Variants in HSD11B1 observed in about 807,000 individuals in gnomAD.
HSD11B1 encodes the protein hydroxysteroid 11-beta dehydrogenase 1, also known as 11-beta-hydroxysteroid dehydrogenase 1.
A neutral mutation model predicts 22.1 loss-of-function variants in HSD11B1; 15 were observed. The observed-to-expected ratio is 0.68, with a 90% CI of 0.45 to 1.04. HSD11B1 has a LOEUF of 1.04. Ranked by LOEUF, HSD11B1 falls within the 50% of genes least tolerant of loss-of-function variation. HSD11B1 has a pLI of 0.00. For synonymous variants in HSD11B1, 122 were observed against 125.2 expected (o/e 0.97, Z 0.17); for missense variants, 281 against 357.6 (o/e 0.79, Z 1.73).
At chr1:209,703,222 C>T (rs1419638599), upstream of HSD11B1, among the ~76,000 whole-genome samples, 1 of 152,102 alleles carries the variant, frequency 6.6e-6, no homozygotes, top group African/African-American at 2.4e-5. Flanking sequence ...ATCTTTCTAT[C>T]ATTTCAACAT....
At chr1:209,697,884 C>CTTTTTATTTTTTTTTTTTTTTTTTT (rs2076800559) in intron 1 of HSD11B1, among the ~76,000 whole-genome samples, 1 of 41,586 alleles carries the variant, frequency 2.4e-5, no homozygotes, top group South Asian at 1.4e-3. Flanking sequence ...TTGTTTTTTC[C>CTTTTTATTTTTTTTTTTTTTTTTTT]TTTTTTTTTT....
chr1:209,690,060 A>G (rs949239664), intron 1 of HSD11B1, among the ~76,000 whole-genome samples: 2 of 152,218 alleles, frequency 1.3e-5, no homozygotes, highest in African/African-American at 4.8e-5. Flanking sequence ...TCATGCCTAT[A>G]ATCCCAGCAG....
rs374786529 is a variant in HSD11B1 at position 209,705,958 on chromosome 1, C to G, written c.219+17C>G. The G allele has an allele frequency of 3.7e-6, 6 of 1,613,480 alleles. No homozygotes were observed. In the South Asian group the frequency reaches 6.6e-5, roughly 18 times the overall value. ...CTACAGAAGGTGAGGGTTCTATGCT[C>G]GCAGATATGTGTACCGTCACATGCT... On this transcript the variant is annotated intron_variant, in intron 2 of 5. Transcript: ENST00000367027.
chr1:209,705,500 A>G (rs2076852216), intron 1 of HSD11B1, among the ~76,000 whole-genome samples: 1 of 152,194 alleles, frequency 6.6e-6, no homozygotes, highest in Non-Finnish European at 1.5e-5. Flanking sequence ...AAATTGAAAG[A>G]GTCCAGAAAT....
At chr1:209,718,345 C>A (rs1237975993) in intron 4 of HSD11B1, among the ~76,000 whole-genome samples, 1 of 151,984 alleles carries the variant, frequency 6.6e-6, no homozygotes, top group African/African-American at 2.4e-5. Context: ...CACATACTAC[C>A]CATAACTATA....
chr1:209,722,587 TG>T (rs1488164578), intron 4 of HSD11B1, among the ~76,000 whole-genome samples: 2 of 152,120 alleles, frequency 1.3e-5, no homozygotes, highest in Non-Finnish European at 2.9e-5. Flanking sequence ...AGAAGATAGG[TG>T]GATTTATCTT....
chr1:209,734,262 G>T (rs1245365971), intron 5 of HSD11B1, 42 bp from the exon 6 acceptor site: 7 of 1,505,960 alleles, frequency 4.6e-6, no homozygotes, highest in Non-Finnish European at 6.4e-6. Context: ...CATGTAGACT[G>T]TCCTAGTCAG....
At chr1:209,709,673 G>A (rs995621749) in intron 4 of HSD11B1, among the ~76,000 whole-genome samples, 7 of 152,090 alleles carry the variant, frequency 4.6e-5, no homozygotes, top group African/African-American at 1.7e-4. Flanking sequence ...GTCCAAGATG[G>A]CTCATTGGCA....
At chr1:209,714,892 T>A (rs2076920856) in intron 4 of HSD11B1, among the ~76,000 whole-genome samples, 1 of 152,140 alleles carries the variant, frequency 6.6e-6, no homozygotes, top group East Asian at 1.9e-4. Flanking sequence ...GGGGCAGCAG[T>A]GGTGGCCTAG....
At chr1:209,710,594 C>G (rs1354510723) in intron 4 of HSD11B1, among the ~76,000 whole-genome samples, 1 of 152,162 alleles carries the variant, frequency 6.6e-6, no homozygotes, top group African/African-American at 2.4e-5. Flanking sequence ...ACTACTAATA[C>G]TACTCATAAC....
At position 209,734,621 on chromosome 1, in the gene HSD11B1, CA is replaced by C. The variant is rs1331371941; in HGVS notation, c.*101del. On this transcript the variant is annotated 3_prime_UTR_variant, in exon 6 of 6. Coordinates refer to ENST00000367027, the MANE Select transcript of HSD11B1 (RefSeq NM_005525.4). The stretch of plus-strand genomic sequence containing the variant: ...TGAAGACATCTTCCCAGAGTGTCCC[CA>C]GAGACATGCAAGTCATGGGTCACAC... The C allele has an allele frequency of 1.1e-6, 1 of 913,976 alleles. No homozygotes were observed. Among genetic ancestry groups the C allele is most frequent in the Non-Finnish European group, 1.8e-6 (1 of 562,172 alleles). 56.6% of individuals were successfully genotyped at this position (913,976 alleles called of 1,614,324 possible). A position where few individuals can be genotyped will look rare whatever the true frequency, so the allele number is the denominator to read the frequency against.
upstream of HSD11B1, among the ~76,000 whole-genome samples, chr1:209,703,731 T>A (rs1279169780): frequency 6.6e-5 from 10 of 152,178 alleles, no homozygotes. Context: ...CTATCCCTCC[T>A]CCAAAGCACT....
At chr1:209,687,278 T>C (rs1483102377) in intron 1 of HSD11B1, among the ~76,000 whole-genome samples, 1 of 152,188 alleles carries the variant, frequency 6.6e-6, no homozygotes, top group Non-Finnish European at 1.5e-5. Context: ...AATTGAAGTG[T>C]TTCCTTCAGA....
intron 1 of HSD11B1, among the ~76,000 whole-genome samples, chr1:209,697,983 G>C (rs1221978243): frequency 7.8e-6 from 1 of 127,600 alleles, no homozygotes; most frequent in Non-Finnish European, 1.6e-5. Context: ...CCTCTCTTTG[G>C]CCTCCCCAGT....
At chr1:209,703,980 G>A (rs2076840421), upstream of HSD11B1, among the ~76,000 whole-genome samples, 1 of 152,084 alleles carries the variant, frequency 6.6e-6, no homozygotes, top group Non-Finnish European at 1.5e-5. Flanking sequence ...ATTGCTAAGG[G>A]TTTCTTACCA....
chr1:209,709,761 G>T (rs973983490), intron 4 of HSD11B1, among the ~76,000 whole-genome samples: 2 of 152,152 alleles, frequency 1.3e-5, no homozygotes, highest in Admixed American at 1.3e-4. Context: ...TGCCACAGCT[G>T]GCTGCAATTG....
intron 4 of HSD11B1, among the ~76,000 whole-genome samples, chr1:209,717,862 A>C (rs141455830): frequency 7.6e-6 from 1 of 131,426 alleles, no homozygotes; most frequent in Non-Finnish European, 1.5e-5. Context: ...ACAGGGTTAG[A>C]CTCCATCTCA....
At position 209,707,146 on chromosome 1, in the gene HSD11B1, A is replaced by G; in HGVS notation, c.517+18A>G. On this transcript the variant is annotated intron_variant, in intron 4 of 5. Transcript: ENST00000367027. Reference sequence around the variant, plus strand: ...TCTGGCTGGTAAGTGGGACAGGGACATATGTGGAAGGTAGAAGAAAAAAAA... The same window carrying G: ...TCTGGCTGGTAAGTGGGACAGGGACGTATGTGGAAGGTAGAAGAAAAAAAA... 6.3e-7 allele frequency: 1 copy of G among 1,598,722 alleles called. No homozygotes were observed. Among genetic ancestry groups the G allele is most frequent in the Non-Finnish European group, 8.5e-7 (1 of 1,171,300 alleles).
chr1:209,720,792 T>A (rs1460988827), intron 4 of HSD11B1, among the ~76,000 whole-genome samples: 1 of 151,898 alleles, frequency 6.6e-6, no homozygotes, highest in Non-Finnish European at 1.5e-5. Flanking sequence ...AACATGGATA[T>A]GTCAGTATTA....
Sources: gnomAD v4.1 joint callset for allele counts (sites outside exome capture counted in the v4.1 genomes callset) on GRCh38, gnomAD v4.1.1 for gene constraint, MANE v1.5 for transcripts, NCBI Gene and HGNC (gene_info 2026-07-23, HGNC 2026-07-21) for gene names.